The following ARAP2 variants were observed in gnomAD, a reference collection of about 807,000 sequenced individuals.
ARAP2 encodes the protein ArfGAP with RhoGAP domain, ankyrin repeat and PH domain 2, also known as arf-GAP with Rho-GAP domain, ANK repeat and PH domain-containing protein 2.
ARAP2 carries 148 observed loss-of-function variants against 194.5 expected under a neutral mutation model. The observed-to-expected ratio is 0.76, with a 90% CI of 0.67 to 0.87. The LOEUF is 0.87. ARAP2 is among the 40% of genes least tolerant of loss of function. ARAP2 has a pLI of 0.00. For missense variants in ARAP2, 2,128 were observed against 1,989.7 expected, an observed-to-expected ratio of 1.07 and a Z score of -1.32; for synonymous variants, 695 against 683.5, an observed-to-expected ratio of 1.02 and a Z score of -0.26.
chr4:36,230,201 T>G (rs984154065), intron 1 of ARAP2, among the ~76,000 whole-genome samples: 8 of 152,216 alleles, frequency 5.3e-5, no homozygotes, highest in African/African-American at 1.9e-4. Context: ...GCACAGGAAT[T>G]AAAATTGGGA....
At position 36,161,516 on chromosome 4, in the gene ARAP2, C is replaced by T. The variant is rs1418687996; in HGVS notation, c.2208G>A (p.Lys736=). Residue 736 remains lysine (K), a synonymous_variant, in exon 12 of 33, where the codon AAG becomes AAA. Coordinates refer to ENST00000303965, the MANE Select transcript of ARAP2 (RefSeq NM_015230.4). ...TAGCATCCATTTTTAGACTTCTAAC[C>T]TTGGAATCTTTTGGTCCTAAAGATC... ...QHRSLGPKDS[K]VRSLKMDASI... 1 of 1,613,932 alleles carries T rather than the reference C, an allele frequency of 6.2e-7. No homozygotes were observed. The highest frequency in any genetic ancestry group is 1.3e-5 in the African/African-American group (1 of 74,914).
chr4:36,214,607 G>C (rs1208757041), intron 2 of ARAP2, 127 bp from the exon 3 acceptor site: 3 of 554,030 alleles, frequency 5.4e-6, no homozygotes, highest in Admixed American at 3.8e-5. Flanking sequence ...GGATTTATTA[G>C]AGAGCTATAC....
At chr4:36,149,047 C>T (rs1267359963) in intron 16 of ARAP2, among the ~76,000 whole-genome samples, 5 of 152,142 alleles carry the variant, frequency 3.3e-5, no homozygotes, top group African/African-American at 9.7e-5. Flanking sequence ...CAAATTAAAG[C>T]GACATTCCAT....
chr4:36,120,933 T>C (rs1722519121), intron 23 of ARAP2, among the ~76,000 whole-genome samples: 1 of 151,594 alleles, frequency 6.6e-6, no homozygotes, highest in South Asian at 2.1e-4. Flanking sequence ...AAAAATCCTA[T>C]AAATAGAAAT....
intron 1 of ARAP2, among the ~76,000 whole-genome samples, chr4:36,242,666 A>C (rs2109391735): frequency 6.6e-6 from 1 of 152,300 alleles, no homozygotes; most frequent in South Asian, 2.1e-4. Flanking sequence ...CTTACACTGC[A>C]AGGAGCTTGC....
chr4:36,018,437 C>G (rs892738548), intron 6 of ARAP2, among the ~76,000 whole-genome samples: 5 of 77,034 alleles, frequency 6.5e-5, no homozygotes, highest in Non-Finnish European at 1.0e-4. Flanking sequence ...AGACAACTCA[C>G]TCAATATCTC....
intron 2 of ARAP2, among the ~76,000 whole-genome samples, chr4:36,219,687 T>C (rs957572615): frequency 6.6e-6 from 1 of 152,184 alleles, no homozygotes; most frequent in African/African-American, 2.4e-5. Flanking sequence ...ATTATATGCA[T>C]GTATATATAT....
chr4:36,074,071 A>G (rs1487064194), intron 31 of ARAP2, among the ~76,000 whole-genome samples: 3 of 152,154 alleles, frequency 2.0e-5, no homozygotes, highest in Non-Finnish European at 4.4e-5. Flanking sequence ...TATACTACTT[A>G]TCAAACCAAA....
In ARAP2 at chr4:36,068,222, G is replaced by C. The variant is rs1478019288; in HGVS notation, c.4800C>G (p.Ser1600=). The change falls in exon 33 of 33, where the codon TCC becomes TCG. Residue 1600 remains serine, a synonymous_variant. Transcript: ENST00000303965. ...CTCTCTCCTTTAAGCTAGAGTCCAC[G>C]GACTCTTTATCACACTTTTCACTGA... is the stretch of plus-strand genomic sequence containing the variant. ...LRLSEKCDKE[S]VDSSLKERAS... 14 of 1,607,438 alleles carry C rather than the reference G, an allele frequency of 8.7e-6. No homozygotes were observed. Among genetic ancestry groups the C allele is most frequent in the Non-Finnish European group, 1.2e-5 (14 of 1,177,618 alleles).
chr4:36,032,213 T>C (rs1300730270), intron 5 of ARAP2, among the ~76,000 whole-genome samples: 2 of 152,100 alleles, frequency 1.3e-5, no homozygotes, highest in Non-Finnish European at 2.9e-5. Flanking sequence ...CCTAACAGCA[T>C]TCACAGGTCA....
At chr4:36,147,457 G>A in intron 18 of ARAP2, 91 bp downstream of exon 18, 1 of 1,555,602 alleles carries the variant, frequency 6.4e-7, no homozygotes. Context: ...ATAAGTTTGG[G>A]AGTAAGCCAT....
chr4:36,243,195 T>C (rs192677802), intron 1 of ARAP2, among the ~76,000 whole-genome samples: 278 of 152,042 alleles, frequency 1.8e-3, no homozygotes, highest in African/African-American at 6.2e-3. Context: ...CATGGGCCTG[T>C]GGGGGTGTAG....
intron 9 of ARAP2, chr4:36,012,441 C>T (rs898549358): frequency 2.0e-5 from 3 of 152,124 alleles, no homozygotes; most frequent in African/African-American, 7.2e-5. Flanking sequence ...TGTGCTTTTG[C>T]TTTATCAATA....
intron 9 of ARAP2, among the ~76,000 whole-genome samples, chr4:36,007,988 G>T (rs972200758): frequency 6.6e-6 from 1 of 151,890 alleles, no homozygotes; most frequent in African/African-American, 2.4e-5. Context: ...GATAACCAAA[G>T]AGGTAAAGGA....
At chr4:36,159,765 ATACT>A (rs1733480023) in intron 13 of ARAP2, 1 of 265,390 alleles carries the variant, frequency 3.8e-6, no homozygotes, top group Middle Eastern at 1.1e-3. Context: ...CTAATCCATC[ATACT>A]TGCTTTGGAA....
intron 9 of ARAP2, among the ~76,000 whole-genome samples, chr4:36,169,164 T>C (rs761806922): frequency 1.3e-5 from 2 of 152,174 alleles, no homozygotes; most frequent in African/African-American, 2.4e-5. Flanking sequence ...AACTTTAGAA[T>C]AAATAAATAA....
chr4:36,021,961 C>T (rs924852687), intron 5 of ARAP2, among the ~76,000 whole-genome samples: 3 of 152,126 alleles, frequency 2.0e-5, no homozygotes, highest in African/African-American at 7.2e-5. Flanking sequence ...TACACCTAGG[C>T]TATATAGTAT....
downstream of ARAP2, among the ~76,000 whole-genome samples, chr4:36,064,567 G>A (rs1048441558): frequency 1.3e-5 from 2 of 152,210 alleles, no homozygotes; most frequent in African/African-American, 2.4e-5. Context: ...GGGTGGCCCT[G>A]GTCCTGCAGC....
chr4:36,164,623 T>A (rs954343317), intron 11 of ARAP2, among the ~76,000 whole-genome samples: 2 of 152,184 alleles, frequency 1.3e-5, no homozygotes, highest in African/African-American at 4.8e-5. Flanking sequence ...TCAGGATCCA[T>A]ACTAAAACAT....
Sources: allele counts gnomAD v4.1 joint callset (sites outside exome capture counted in the v4.1 genomes callset), GRCh38; gene constraint gnomAD v4.1.1; transcripts MANE v1.5; gene names NCBI Gene and HGNC (gene_info 2026-07-23, HGNC 2026-07-21).